TMEM121: variants seen among roughly 807,000 people sequenced by gnomAD.
TMEM121 encodes the protein transmembrane protein 121A.
Under a neutral mutation model 16.4 loss-of-function variants are expected in TMEM121, and 8 were observed. The observed-to-expected ratio is 0.49, with a 90% CI of 0.29 to 0.88. The LOEUF (loss-of-function observed/expected upper bound fraction) is 0.88. TMEM121 is among the 40% of genes least tolerant of loss of function. TMEM121 has a pLI of 0.09. For missense variants in TMEM121, 401 were observed against 462.0 expected (o/e 0.87, Z 1.21); for synonymous variants, 235 against 226.2 (o/e 1.04, Z -0.35).
At position 105,529,344 on chromosome 14, in the gene TMEM121, G is replaced by A. The variant is rs1555444245; in HGVS notation, c.510G>A (p.Pro170=). 1.4e-5 allele frequency: 21 copies of A among 1,539,394 alleles called. No individual in the cohort carries two copies. The highest frequency in any genetic ancestry group is 1.7e-5 in the Non-Finnish European group (20 of 1,146,400). The change falls in exon 2 of 2, where the codon CCG becomes CCA. Residue 170 remains proline (P), a synonymous_variant. Transcript: ENST00000392519. ...ACATGCAGGCCAGCCTGTGGGAGCC[G>A]CCGCGCTCCGGGCTGCCGCTGTGGG... ...LLDMQASLWE[P]PRSGLPLWAE...
At position 105,530,131 on chromosome 14, in the gene TMEM121, T is replaced by C; in HGVS notation, c.*337T>C. 3.1e-6 allele frequency: 1 copy of C among 325,370 alleles called. No homozygotes were observed. The highest frequency in any genetic ancestry group is 5.7e-6 in the Non-Finnish European group (1 of 176,490). 20.2% of individuals were successfully genotyped at this position (325,370 alleles called of 1,614,324 possible). On this transcript the variant is annotated 3_prime_UTR_variant, in exon 2 of 2. Transcript: ENST00000392519. ...GATCTGCTCCTTCGGTGGGGGCCTC[T>C]GGCTCAGATTTGGGGCCAAGGAGGC...
chr14:105,527,069 G>A (rs1555443894), intron 1 of TMEM121: 1 of 152,374 alleles, frequency 6.6e-6, no homozygotes, highest in African/African-American at 2.4e-5. Flanking sequence ...GGGCCCAGGA[G>A]ACCCAGGACA....
At position 105,529,697 on chromosome 14, in the gene TMEM121, C is replaced by G. The variant is rs782381171; in HGVS notation, c.863C>G (p.Pro288Arg). 8.4e-6 allele frequency: 13 copies of G among 1,540,716 alleles called. No individual in the cohort carries two copies. Among genetic ancestry groups the G allele is most frequent in the Admixed American group, 1.9e-5 (1 of 51,818 alleles). Residue 288 changes from proline (P) to arginine (R), a missense_variant, in exon 2 of 2, where the codon CCG becomes CGG. By Grantham distance (103) the Pro-to-Arg change is moderately radical. Transcript: ENST00000392519. Reference sequence around the variant, plus strand: ...TCACTGGAGCTGCAGCCGCCACCCCCGCAGCGCAACTCGGTGCCGCCGCCG... The same window carrying G: ...TCACTGGAGCTGCAGCCGCCACCCCGGCAGCGCAACTCGGTGCCGCCGCCG... Reference protein sequence around the residue: ...ALSLELQPPPPQRNSVPPPPP... With the variant: ...ALSLELQPPPRQRNSVPPPPP...
chr14:105,529,913 T>G lies in TMEM121; in HGVS notation c.*119T>G. On this transcript the variant is annotated 3_prime_UTR_variant, in exon 2 of 2. Transcript: ENST00000392519. ...CTCCCCTAGGGACAGGTGCCTCGAG[T>G]GCCCGTGCCTGGGGTCCCGCGGCCG... 4.0e-6 allele frequency: 4 copies of G among 1,005,096 alleles called. No homozygotes were observed. The highest frequency in any genetic ancestry group is 5.4e-6 in the Non-Finnish European group (4 of 736,706). The allele number at this position is 1,005,096 out of a possible 1,614,324, so 62.3% of individuals were successfully genotyped here.
At chr14:105,528,692 C>G (rs1370269899) in intron 1 of TMEM121, 30 bp from the exon 2 acceptor site, 1 of 840,794 alleles carries the variant, frequency 1.2e-6, no homozygotes, top group Non-Finnish European at 1.5e-6. Context: ...CCAGCCCGCA[C>G]CCTGATCTTG....
chr14:105,529,863 T>G lies in TMEM121; in HGVS notation c.*69T>G, dbSNP rs1347468169. On this transcript the variant is annotated 3_prime_UTR_variant, in exon 2 of 2. Transcript: ENST00000392519. Reference sequence around the variant, plus strand: ...ACCGGGTTGGCTTGGGGCGCGCGGTTTGCATGGGATGGGGTGGGGGCGGGC... The same window carrying G: ...ACCGGGTTGGCTTGGGGCGCGCGGTGTGCATGGGATGGGGTGGGGGCGGGC... 1 of 1,344,420 alleles carries G rather than the reference T, an allele frequency of 7.4e-7. No individual in the cohort carries two copies. The allele number at this position is 1,344,420 out of a possible 1,614,324, so 83.3% of individuals were successfully genotyped here.
Position 105,529,599 on chromosome 14 carries a change from G to A in TMEM121, c.765G>A (p.Val255=), listed in dbSNP as rs1178375249. The part of the protein sequence containing the change: ...VSAIFVGKNV[V]ALATKACTFL... ...CCATCTTCGTCGGCAAAAACGTGGT[G>A]GCGCTCGCCACCAAGGCCTGCACCT... is the stretch of plus-strand genomic sequence containing the variant. Residue 255 remains valine, a synonymous_variant, in exon 2 of 2, where the codon GTG becomes GTA. Transcript: ENST00000392519. 3.2e-6 allele frequency: 5 copies of A among 1,573,450 alleles called. No individual in the cohort carries two copies. Among genetic ancestry groups the A allele is most frequent in the South Asian group, 1.1e-5 (1 of 86,960 alleles).
At chr14:105,528,430 A>AC (rs1234218459) in intron 1 of TMEM121, among the ~76,000 whole-genome samples, 2 of 150,944 alleles carry the variant, frequency 1.3e-5, no homozygotes, top group African/African-American at 2.4e-5. Flanking sequence ...GCAGTGACAA[A>AC]CCCCCCCGGG....
rs1177969205 is a variant in TMEM121 at position 105,529,257 on chromosome 14, CA to C, written c.425del (p.Lys142SerfsTer68). 1.3e-6 allele frequency: 2 copies of C among 1,553,564 alleles called. No homozygotes were observed. Among genetic ancestry groups the C allele is most frequent in the African/African-American group, 2.7e-5 (2 of 73,498 alleles). On this transcript the variant is annotated frameshift_variant, in exon 2 of 2. Coordinates refer to ENST00000392519, the MANE Select transcript of TMEM121 (RefSeq NM_025268.4). LOFTEE classifies it high-confidence loss of function. ...GCATGGAGTACGTGCGCACCTTCCG[CA>C]AGCGCGAGGACCTGCGCGGCCGCCT... Reference protein sequence around the residue: ...DRMEYVRTFRKREDLRGRLFW... With the variant: ...DRMEYVRTFRXREDLRGRLFW...
rs2141833759 is a variant in TMEM121, at chr14:105,529,902, G to A, written c.*108G>A. The A allele has an allele frequency of 1.8e-6, 2 of 1,142,808 alleles. No homozygotes were observed. The highest frequency in any genetic ancestry group is 3.1e-5 in the East Asian group (1 of 32,104). The allele number at this position is 1,142,808 out of a possible 1,614,324, so 70.8% of individuals were successfully genotyped here. A position where few individuals can be genotyped will look rare whatever the true frequency, so the allele number is the denominator to read the frequency against. ...GTGGGGGCGGGCTCCCCTAGGGACA[G>A]GTGCCTCGAGTGCCCGTGCCTGGGG... On this transcript the variant is annotated 3_prime_UTR_variant, in exon 2 of 2. Coordinates refer to ENST00000392519, the MANE Select transcript of TMEM121 (RefSeq NM_025268.4).
At chr14:105,528,637 A>G in intron 1 of TMEM121, 85 bp from the exon 2 acceptor site, 1 of 343,450 alleles carries the variant, frequency 2.9e-6, no homozygotes, top group Non-Finnish European at 4.3e-6. Context: ...GCCTGGTGGG[A>G]AGCACGCGGG....
chr14:105,530,017 T>C lies in TMEM121; in HGVS notation c.*223T>C. On this transcript the variant is annotated 3_prime_UTR_variant, in exon 2 of 2. Coordinates refer to ENST00000392519, the MANE Select transcript of TMEM121 (RefSeq NM_025268.4). ...AGCCCGCCCCAGCGCGTGGGTCTGT[T>C]TGGGAGGCCTGGGCCGGAGCAGAGC... is the stretch of plus-strand genomic sequence containing the variant. 1.9e-6 allele frequency: 1 copy of C among 517,994 alleles called. No individual in the cohort carries two copies. Among genetic ancestry groups the C allele is most frequent in the African/African-American group, 2.1e-5 (1 of 48,756 alleles). The allele number at this position is 517,994 out of a possible 1,614,324, so 32.1% of individuals were successfully genotyped here.
Position 105,529,277 on chromosome 14 carries a change from G to C in TMEM121, c.443G>C (p.Gly148Ala). Reference sequence around the variant, plus strand: ...TTCCGCAAGCGCGAGGACCTGCGCGGCCGCCTGTTTTGGGTGGCGCTGGAC... The same window carrying C: ...TTCCGCAAGCGCGAGGACCTGCGCGCCCGCCTGTTTTGGGTGGCGCTGGAC... ...RTFRKREDLR[G>A]RLFWVALDLL... The change falls in exon 2 of 2, where the codon GGC becomes GCC. Residue 148 changes from glycine to alanine, a missense_variant. Coordinates refer to ENST00000392519, the MANE Select transcript of TMEM121 (RefSeq NM_025268.4). The C allele has an allele frequency of 6.5e-7, 1 of 1,543,574 alleles. No homozygotes were observed. Among genetic ancestry groups the C allele is most frequent in the Non-Finnish European group, 8.7e-7 (1 of 1,148,224 alleles).
chr14:105,529,034 T>C lies in TMEM121; in HGVS notation c.200T>C (p.Val67Ala). ...RYVAVWVGAE[V>A]RTAKRGYAMI... ...GTGGCCGTGTGGGTGGGCGCCGAGG[T>C]GCGCACGGCCAAGCGCGGCTACGCC... The change falls in exon 2 of 2, where the codon GTG becomes GCG. Residue 67 changes from valine to alanine, a missense_variant. Coordinates refer to ENST00000392519, the MANE Select transcript of TMEM121 (RefSeq NM_025268.4). 1 of 1,612,236 alleles carries C rather than the reference T, an allele frequency of 6.2e-7. No homozygotes were observed. The highest frequency in any genetic ancestry group is 2.2e-5 in the East Asian group (1 of 44,838).
At position 105,526,740 on chromosome 14, in the gene TMEM121, G is replaced by A. The variant is rs1413780062; in HGVS notation, c.-114+87G>A. On this transcript the variant is annotated intron_variant, in intron 1 of 1. Coordinates refer to ENST00000392519, the MANE Select transcript of TMEM121 (RefSeq NM_025268.4). The surrounding 1 kb of genome is among the most constrained non-coding windows in gnomAD (Gnocchi z 6.8). ...GGCCTGGGCGACCCTGCACCTCTGGGCCGTGGGGACTGTGGGGTGGGGCGG... is the reference window on the plus strand; with the variant it reads ...GGCCTGGGCGACCCTGCACCTCTGGACCGTGGGGACTGTGGGGTGGGGCGG... 1.3e-5 allele frequency: 2 copies of A among 149,560 alleles called. No homozygotes were observed. Among genetic ancestry groups the A allele is most frequent in the African/African-American group, 5.0e-5 (2 of 40,280 alleles). The allele number at this position is 149,560 out of a possible 1,614,324, so 9.3% of individuals were successfully genotyped here.
intron 1 of TMEM121, among the ~76,000 whole-genome samples, chr14:105,527,945 C>T (rs938910356): frequency 4.7e-5 from 7 of 149,268 alleles, no homozygotes; most frequent in Non-Finnish European, 1.0e-4. Flanking sequence ...CCTTGGTGGA[C>T]GGGCTTCCCG....
In TMEM121 at chr14:105,529,712, T is replaced by TGCCGCC; in HGVS notation, c.893_898dup (p.Pro298_Pro299dup). On this transcript the variant is annotated inframe_insertion, in exon 2 of 2. Coordinates refer to ENST00000392519, the MANE Select transcript of TMEM121 (RefSeq NM_025268.4). ...CCGCCACCCCCGCAGCGCAACTCGG[T>TGCCGCC]GCCGCCGCCGCCGCCGCCGCTGCAC... The TGCCGCC allele has an allele frequency of 5.2e-6, 8 of 1,527,676 alleles. No homozygotes were observed. In the Middle Eastern group the frequency reaches 5.3e-4, roughly 101 times the overall value. The allele number at this position is 1,527,676 out of a possible 1,614,324, so 94.6% of individuals were successfully genotyped here.
chr14:105,529,594 G>A lies in TMEM121; in HGVS notation c.760G>A (p.Val254Met). 1 of 1,571,664 alleles carries A rather than the reference G, an allele frequency of 6.4e-7. No homozygotes were observed. The highest frequency in any genetic ancestry group is 1.3e-5 in the African/African-American group (1 of 74,462). Residue 254 changes from valine to methionine, a missense_variant, in exon 2 of 2, where the codon GTG (valine) becomes ATG (methionine). Val to Met is a conservative substitution (Grantham distance 21). Coordinates refer to ENST00000392519, the MANE Select transcript of TMEM121 (RefSeq NM_025268.4). ...CTCGGCCATCTTCGTCGGCAAAAAC[G>A]TGGTGGCGCTCGCCACCAAGGCCTG... ...RVSAIFVGKNVVALATKACTF... is the reference protein window; with the variant it reads ...RVSAIFVGKNMVALATKACTF...
Position 105,528,732 on chromosome 14 carries a change from C to T in TMEM121, c.-103C>T. 9.0e-7 allele frequency: 1 copy of T among 1,110,390 alleles called. No homozygotes were observed. Among genetic ancestry groups the T allele is most frequent in the Non-Finnish European group, 1.1e-6 (1 of 902,624 alleles). The allele number at this position is 1,110,390 out of a possible 1,614,324, so 68.8% of individuals were successfully genotyped here. ...CTCCGGTCTCCCCAGGTTTCGAGCT[C>T]GCCGGGCCGTGTCGCGCCATGCCCG... On this transcript the variant is annotated 5_prime_UTR_variant, in exon 2 of 2. Coordinates refer to ENST00000392519, the MANE Select transcript of TMEM121 (RefSeq NM_025268.4).
Sources: allele counts gnomAD v4.1 joint callset (sites outside exome capture counted in the v4.1 genomes callset), GRCh38; gene constraint gnomAD v4.1.1; non-coding constraint Gnocchi (gnomAD v3.1); transcripts MANE v1.5; gene names NCBI Gene and HGNC (gene_info 2026-07-23, HGNC 2026-07-21).